The following LRRC28 variants were observed in gnomAD, a reference collection of about 807,000 sequenced individuals.
LRRC28 encodes leucine rich repeat containing 28, also known as leucine-rich repeat-containing protein 28.
LRRC28 carries 39 observed loss-of-function variants against 45.7 expected under a neutral mutation model. That is an observed-to-expected ratio of 0.85 (90% CI 0.66 to 1.12). The LOEUF is 1.12. Ranked by LOEUF, LRRC28 falls within the 50% of genes most tolerant of loss-of-function variation. LRRC28 has a pLI of 0.00. For synonymous variants in LRRC28, 206 were observed against 178.8 expected, an observed-to-expected ratio of 1.15 and a Z score of -1.22; for missense variants, 435 against 438.5, an observed-to-expected ratio of 0.99 and a Z score of 0.07.
At chr15:99,302,834 T>G (rs1418813571) in intron 5 of LRRC28, among the ~76,000 whole-genome samples, 1 of 152,242 alleles carries the variant, frequency 6.6e-6, no homozygotes, top group African/African-American at 2.4e-5. Context: ...GTAGTTTAAA[T>G]GTATATAACC....
At chr15:99,366,610 T>G (rs2152330132) in intron 9 of LRRC28, among the ~76,000 whole-genome samples, 1 of 152,234 alleles carries the variant, frequency 6.6e-6, no homozygotes, top group South Asian at 2.1e-4. Flanking sequence ...CATCGTCTCC[T>G]TACATGGCAG....
intron 5 of LRRC28, among the ~76,000 whole-genome samples, chr15:99,311,010 G>A (rs1955387276): frequency 6.6e-6 from 1 of 152,146 alleles, no homozygotes; most frequent in Non-Finnish European, 1.5e-5. Context: ...CGTAGGTCTT[G>A]GCCCTGTGTG....
Position 99,366,323 on chromosome 15 carries a change from G to T in LRRC28, c.1031+3058G>T, listed in dbSNP as rs376140353. 2.2e-4 allele frequency among the ~76,000 whole-genome samples: 33 copies of T among 152,210 alleles called. No individual in the cohort carries two copies. The East Asian group carries it at 2.5e-3, about 12-fold the overall frequency. ...TCTCTTTATGAATGTCTGTCTCTGT[G>T]CACAAGTTTTCTCTTTTTATAAGGA... On this transcript the variant is annotated intron_variant, in intron 9 of 9. Transcript: ENST00000301981.
At chr15:99,321,202 A>G (rs1955783304) in intron 5 of LRRC28, among the ~76,000 whole-genome samples, 1 of 152,360 alleles carries the variant, frequency 6.6e-6, no homozygotes, top group East Asian at 1.9e-4. Flanking sequence ...ATTTCAAAAC[A>G]AATTTCAAAA....
chr15:99,318,245 C>T (rs4640164), intron 5 of LRRC28, among the ~76,000 whole-genome samples: 21,778 of 151,882 alleles, frequency 0.14, 1,565 homozygotes, highest in Non-Finnish European at 0.16. Flanking sequence ...TTTTCTGTTG[C>T]AGTGAACCAG....
intron 3 of LRRC28, chr15:99,285,789 G>T: frequency 2.1e-6 from 1 of 470,320 alleles, no homozygotes; most frequent in Non-Finnish European, 4.0e-6. Flanking sequence ...ATTGAGGCAA[G>T]TATTTTGTTG....
chr15:99,310,493 T>C (rs1955364734), intron 5 of LRRC28, among the ~76,000 whole-genome samples: 1 of 152,130 alleles, frequency 6.6e-6, no homozygotes, highest in South Asian at 2.1e-4. Context: ...TCACTAGAAG[T>C]GAGACAAGCA....
intron 6 of LRRC28, among the ~76,000 whole-genome samples, chr15:99,349,135 A>G (rs1189013265): frequency 1.3e-5 from 2 of 152,154 alleles, no homozygotes; most frequent in African/African-American, 2.4e-5. Flanking sequence ...TCCTGTAGCT[A>G]TAGTGAATTC....
intron 8 of LRRC28, 98 bp downstream of exon 8, chr15:99,361,609 T>C: frequency 1.6e-6 from 2 of 1,254,908 alleles, no homozygotes; most frequent in East Asian, 2.4e-5. Context: ...AAAAAAATTA[T>C]TGTGGTAAAA....
intron 5 of LRRC28, among the ~76,000 whole-genome samples, chr15:99,294,338 T>C (rs1316539225): frequency 6.6e-6 from 1 of 152,008 alleles, no homozygotes; most frequent in Admixed American, 6.5e-5. Context: ...TTGTTCTTCT[T>C]CTTTTTTTTT....
In LRRC28 at chr15:99,287,870, A is replaced by G. The variant is rs1480564613; in HGVS notation, c.304A>G (p.Ile102Val). 1.9e-6 allele frequency: 3 copies of G among 1,613,628 alleles called. No individual in the cohort carries two copies. Among genetic ancestry groups the G allele is most frequent in the Non-Finnish European group, 2.5e-6 (3 of 1,179,824 alleles). The change falls in exon 5 of 10, where the codon ATT (isoleucine) becomes GTT (valine). Residue 102 changes from isoleucine (I) to valine (V), a missense_variant. By Grantham distance (29) the Ile-to-Val change is conservative. Transcript: ENST00000301981. ...CLDLSDNALE[I>V]VCPEIGRLRA... ...GGATCTTAGTGACAATGCCTTAGAA[A>G]TTGTTTGCCCAGAAATTGGTCGTCT...
At chr15:99,366,148 A>T (rs527754569) in intron 9 of LRRC28, among the ~76,000 whole-genome samples, 12 of 152,260 alleles carry the variant, frequency 7.9e-5, no homozygotes, top group African/African-American at 2.4e-4. Flanking sequence ...AAACAACAGA[A>T]ATTTATTGTA....
At chr15:99,320,269 C>T (rs1955749011) in intron 5 of LRRC28, among the ~76,000 whole-genome samples, 1 of 152,060 alleles carries the variant, frequency 6.6e-6, no homozygotes, top group African/African-American at 2.4e-5. Context: ...TCTCCGTGTG[C>T]TTCCTGGTAT....
intron 5 of LRRC28, among the ~76,000 whole-genome samples, chr15:99,318,893 TATTTTTCATGGTA>T (rs1317819218): frequency 1.3e-5 from 2 of 152,148 alleles, no homozygotes; most frequent in Admixed American, 6.5e-5. Context: ...AACCGCTTTC[TATTTTTCATGGTA>T]ATTTTTTATG....
chr15:99,302,609 C>A (rs1955024464), intron 5 of LRRC28, among the ~76,000 whole-genome samples: 1 of 152,184 alleles, frequency 6.6e-6, no homozygotes, highest in African/African-American at 2.4e-5. Context: ...CATCATTTTA[C>A]ATGTACAGTT....
At chr15:99,369,306 A>C (rs1410644968) in intron 9 of LRRC28, among the ~76,000 whole-genome samples, 1 of 152,170 alleles carries the variant, frequency 6.6e-6, no homozygotes. Flanking sequence ...TTCATGTCAA[A>C]GCCACTTCCA....
At chr15:99,283,168 C>T (rs1238204127) in intron 3 of LRRC28, among the ~76,000 whole-genome samples, 1 of 151,750 alleles carries the variant, frequency 6.6e-6, no homozygotes, top group African/African-American at 2.4e-5. Flanking sequence ...GCTGGGATTA[C>T]AGGCGTGAGC....
chr15:99,383,053 C>A (rs1210740342), intron 9 of LRRC28, among the ~76,000 whole-genome samples: 1 of 152,196 alleles, frequency 6.6e-6, no homozygotes, highest in African/African-American at 2.4e-5. Flanking sequence ...GCAACCCTCA[C>A]CCTAATCCAT....
chr15:99,276,740 T>C, intron 3 of LRRC28, 124 bp downstream of exon 3: 1 of 643,742 alleles, frequency 1.6e-6, no homozygotes, highest in Non-Finnish European at 2.4e-6. Context: ...ATCATGGTAC[T>C]CATGTAGGTA....
Sources: allele counts gnomAD v4.1 joint callset (sites outside exome capture counted in the v4.1 genomes callset), GRCh38; gene constraint gnomAD v4.1.1; transcripts MANE v1.5; gene names NCBI Gene and HGNC (gene_info 2026-07-23, HGNC 2026-07-21).